Variants in ADGRG7 observed in about 807,000 individuals in gnomAD.
The protein encoded by ADGRG7 is G-protein coupled receptor 128.
Under a neutral mutation model 88.6 loss-of-function variants are expected in ADGRG7, and 82 were observed. The ratio of observed to expected loss-of-function variants is 0.93; its 90% CI spans 0.77 to 1.11. ADGRG7 has a LOEUF of 1.11. Ranked by LOEUF, ADGRG7 falls within the 50% of genes most tolerant of loss-of-function variation. The pLI, the probability that ADGRG7 is intolerant of heterozygous loss-of-function variation, is 0.00. For missense variants in ADGRG7, 945 were observed against 953.4 expected (o/e 0.99, Z 0.12); for synonymous variants, 381 against 345.2 (o/e 1.10, Z -1.15).
Position 100,646,569 on chromosome 3 carries a change from T to A in ADGRG7, c.1111T>A (p.Tyr371Asn). 6.2e-7 allele frequency: 1 copy of A among 1,611,918 alleles called. No individual in the cohort carries two copies. The highest frequency in any genetic ancestry group is 8.5e-7 in the Non-Finnish European group (1 of 1,178,672). Reference protein sequence around the residue: ...ASVDMVFSPKYNQKEFQLYSY... With the variant: ...ASVDMVFSPKNNQKEFQLYSY... ...TTGTAATTGTCTTATCAATTCATAG[T>A]ACAACCAAAAAGAATTTCAACTCTA... The change falls in exon 10 of 16, where the codon TAC becomes AAC. Residue 371 changes from tyrosine (Y) to asparagine (N), a missense_variant and splice_region_variant. Tyr to Asn is a moderately radical substitution (Grantham distance 143). Coordinates refer to ENST00000273352, the MANE Select transcript of ADGRG7 (RefSeq NM_032787.3).
intron 4 of ADGRG7, 142 bp downstream of exon 4, chr3:100,633,519 CTT>C: frequency 2.3e-6 from 1 of 443,964 alleles, no homozygotes; most frequent in South Asian, 7.1e-5. Flanking sequence ...TAAAGCCACT[CTT>C]ATTATTTATT....
intron 1 of ADGRG7, among the ~76,000 whole-genome samples, chr3:100,622,934 T>TG (rs1210288394): frequency 1.3e-5 from 2 of 151,252 alleles, no homozygotes; most frequent in Non-Finnish European, 2.9e-5. Context: ...TTTTGTTTTT[T>TG]TTTTTTGGTA....
At chr3:100,659,938 C>A in intron 14 of ADGRG7, 95 bp downstream of exon 14, 1 of 1,205,514 alleles carries the variant, frequency 8.3e-7, no homozygotes, top group Non-Finnish European at 1.2e-6. Context: ...AGCTTTCAAA[C>A]TGAGACAATG....
rs918636808 is a variant in ADGRG7, at chr3:100,627,229, A to G, written c.116-2369A>G. 1.1e-4 allele frequency among the ~76,000 whole-genome samples: 17 copies of G among 152,322 alleles called. 1 individual carries two copies. The highest frequency in any genetic ancestry group is 8.5e-4 in the Admixed American group (13 of 15,298). Reference sequence around the variant, plus strand: ...TAGGTTCTTCACAGGTGATTTTATCAGTTTGAAGATGTTCTGTTTTATTTC... The same window carrying G: ...TAGGTTCTTCACAGGTGATTTTATCGGTTTGAAGATGTTCTGTTTTATTTC... On this transcript the variant is annotated intron_variant, in intron 1 of 15. Transcript: ENST00000273352.
intron 15 of ADGRG7, among the ~76,000 whole-genome samples, chr3:100,688,023 G>C (rs1032407173): frequency 7.2e-5 from 11 of 152,008 alleles, no homozygotes; most frequent in Non-Finnish European, 1.6e-4. Context: ...TTTTTTGGTT[G>C]GTAAGCTATT....
At chr3:100,630,130 A>G (rs1383227933) in intron 2 of ADGRG7, among the ~76,000 whole-genome samples, 4 of 152,138 alleles carry the variant, frequency 2.6e-5, no homozygotes, top group East Asian at 1.9e-4. Context: ...TTAAATTTTT[A>G]TCTTTTCTTC....
At chr3:100,629,335 T>C (rs1707424522) in intron 1 of ADGRG7, among the ~76,000 whole-genome samples, 1 of 152,012 alleles carries the variant, frequency 6.6e-6, no homozygotes, top group Non-Finnish European at 1.5e-5. Context: ...TAATTTCTGA[T>C]TTCTCAGGGG....
At chr3:100,649,194 C>A (rs986119703) in intron 10 of ADGRG7, among the ~76,000 whole-genome samples, 3 of 152,098 alleles carry the variant, frequency 2.0e-5, no homozygotes, top group Admixed American at 1.3e-4. Context: ...ACTTGTGAAC[C>A]ACATGGGACA....
chr3:100,643,049 C>T (rs2149024257), intron 6 of ADGRG7, among the ~76,000 whole-genome samples: 1 of 152,246 alleles, frequency 6.6e-6, no homozygotes, highest in South Asian at 2.1e-4. Flanking sequence ...TTCAAGGTAG[C>T]CTTCAGTGAG....
At position 100,655,954 on chromosome 3, in the gene ADGRG7, A is replaced by G; in HGVS notation, c.1782A>G (p.Gly594=). 6.2e-7 allele frequency: 1 copy of G among 1,610,236 alleles called. No homozygotes were observed. Among genetic ancestry groups the G allele is most frequent in the Non-Finnish European group, 8.5e-7 (1 of 1,176,686 alleles). Residue 594 remains glycine (G), a synonymous_variant, in exon 13 of 16, where the codon GGA becomes GGG. Coordinates refer to ENST00000273352, the MANE Select transcript of ADGRG7 (RefSeq NM_032787.3). ...TGGGAGTTATTTATTCTCAGAATGGAAATAATCCACAGTGGGAATTAGACT... is the reference window on the plus strand; with the variant it reads ...TGGGAGTTATTTATTCTCAGAATGGGAATAATCCACAGTGGGAATTAGACT... The part of the protein sequence containing the change: ...ITVGVIYSQN[G]NNPQWELDYR...
At chr3:100,692,226 G>C (rs933574105) in intron 15 of ADGRG7, among the ~76,000 whole-genome samples, 47 of 152,190 alleles carry the variant, frequency 3.1e-4, no homozygotes, top group African/African-American at 9.7e-4. Context: ...CTTTATCCCA[G>C]GTAGCCCTCT....
At chr3:100,685,388 A>G (rs577486525) in intron 15 of ADGRG7, among the ~76,000 whole-genome samples, 1 of 152,032 alleles carries the variant, frequency 6.6e-6, no homozygotes, top group East Asian at 1.9e-4. Flanking sequence ...TTTTATTATT[A>G]TTATACTTTA....
intron 13 of ADGRG7, among the ~76,000 whole-genome samples, chr3:100,658,279 A>G (rs72620020): frequency 0.05 from 7,659 of 152,254 alleles, 626 homozygotes; most frequent in East Asian, 0.35. Flanking sequence ...GGTCCAAACT[A>G]TCCATATTAT....
At chr3:100,654,516 C>T (rs141633693) in intron 11 of ADGRG7, 47 of 233,268 alleles carry the variant, frequency 2.0e-4, no homozygotes, top group Non-Finnish European at 3.3e-4. Context: ...GAAGGGACTA[C>T]GCAGGGCTAC....
chr3:100,630,747 C>G lies in ADGRG7; in HGVS notation c.272C>G (p.Ala91Gly). 1 of 1,473,954 alleles carries G rather than the reference C, an allele frequency of 6.8e-7. No homozygotes were observed. The highest frequency in any genetic ancestry group is 9.0e-7 in the Non-Finnish European group (1 of 1,111,962). The allele number at this position is 1,473,954 out of a possible 1,614,324, so 91.3% of individuals were successfully genotyped here. Reference sequence around the variant, plus strand: ...AGTACCTATATGGGTTTTACTTTTGCCAGAATCCCAGTGGGCAGATATGGA... The same window carrying G: ...AGTACCTATATGGGTTTTACTTTTGGCAGAATCCCAGTGGGCAGATATGGA... ...ENSTYMGFTF[A>G]RIPVGRYGPS... Residue 91 changes from alanine (A) to glycine (G), a missense_variant, in exon 3 of 16, where the codon GCC becomes GGC. Coordinates refer to ENST00000273352, the MANE Select transcript of ADGRG7 (RefSeq NM_032787.3).
intron 15 of ADGRG7, among the ~76,000 whole-genome samples, chr3:100,670,494 T>C (rs1237172184): frequency 6.6e-6 from 1 of 152,222 alleles, no homozygotes; most frequent in East Asian, 1.9e-4. Flanking sequence ...ATTTCTTTGA[T>C]ATACTGATTT....
chr3:100,617,440 A>G (rs1340278399), intron 1 of ADGRG7, among the ~76,000 whole-genome samples: 1 of 142,186 alleles, frequency 7.0e-6, no homozygotes, highest in Non-Finnish European at 1.5e-5. Context: ...TCATTGTTCA[A>G]TTCCCACCTA....
intron 15 of ADGRG7, among the ~76,000 whole-genome samples, chr3:100,682,153 G>T (rs972328281): frequency 6.6e-6 from 1 of 152,072 alleles, no homozygotes. Flanking sequence ...CCCAGGGAGC[G>T]CCCCCGGAGT....
At chr3:100,641,624 T>C (rs1182581788) in intron 6 of ADGRG7, among the ~76,000 whole-genome samples, 1 of 152,260 alleles carries the variant, frequency 6.6e-6, no homozygotes, top group Non-Finnish European at 1.5e-5. Context: ...TGATTCAGTC[T>C]CCAGGGCTTA....
Sources: allele counts gnomAD v4.1 joint callset (sites outside exome capture counted in the v4.1 genomes callset), GRCh38; gene constraint gnomAD v4.1.1; transcripts MANE v1.5; gene names NCBI Gene and HGNC (gene_info 2026-07-23, HGNC 2026-07-21).